The following MINDY2 variants were observed in gnomAD, a reference collection of about 807,000 sequenced individuals.
The protein encoded by MINDY2 is MINDY lysine 48 deubiquitinase 2.
In MINDY2, 52 loss-of-function variants were observed where a neutral mutation model predicts 68.2. The ratio of observed to expected loss-of-function variants is 0.76; its 90% CI spans 0.61 to 0.96. MINDY2 has a LOEUF of 0.96. MINDY2 is among the 40% of genes least tolerant of loss of function. The pLI, the probability that MINDY2 is intolerant of heterozygous loss-of-function variation, is 0.00. For synonymous variants in MINDY2, 372 were observed against 303.0 expected, an observed-to-expected ratio of 1.23 and a Z score of -2.36; for missense variants, 881 against 773.4, an observed-to-expected ratio of 1.14 and a Z score of -1.65.
At position 58,771,368 on chromosome 15, in the gene MINDY2, C is replaced by T; in HGVS notation, c.-28C>T. ...GGCTGCGGAGAAGTGGCCGCGGTCT[C>T]CATAGAGCTGGGGGCGGGCGGCCCG... On this transcript the variant is annotated 5_prime_UTR_variant, in exon 1 of 9. Coordinates refer to ENST00000559228, the MANE Select transcript of MINDY2 (RefSeq NM_001040450.3). 1.3e-6 allele frequency: 2 copies of T among 1,586,966 alleles called. No homozygotes were observed. The highest frequency in any genetic ancestry group is 1.7e-6 in the Non-Finnish European group (2 of 1,168,932).
Position 58,778,875 on chromosome 15 carries a change from C to T in MINDY2, c.840+6640C>T, listed in dbSNP as rs189832674. ...TCGCCCAGGCTGGAGTGCAGTGGCA[C>T]GATCTTGGCTCACTGCAACCTCTGC... On this transcript the variant is annotated intron_variant, in intron 1 of 8. Coordinates refer to ENST00000559228, the MANE Select transcript of MINDY2 (RefSeq NM_001040450.3). Among the ~76,000 whole-genome samples, 566 of 145,062 alleles carry T rather than the reference C, an allele frequency of 3.9e-3. 3 individuals are homozygous for T. The highest frequency in any genetic ancestry group is 6.2e-3 in the Non-Finnish European group (417 of 67,212).
rs1356760310 is a variant in MINDY2 at position 58,840,851 on chromosome 15, G to C, written c.1369-6446G>C. On this transcript the variant is annotated intron_variant, in intron 6 of 8. Coordinates refer to ENST00000559228, the MANE Select transcript of MINDY2 (RefSeq NM_001040450.3). ...TTTTTTTTTTTTTTTTGTATTTTTA[G>C]TAGAGATGGGTTTTCACCGTGTTAG... Among the ~76,000 whole-genome samples the C allele has an allele frequency of 2.2e-5, 3 of 137,882 alleles. No homozygotes were observed. In the South Asian group the frequency reaches 6.8e-4, roughly 31 times the overall value. 90.5% of individuals were successfully genotyped at this position (137,882 alleles called of 152,430 possible). A position where few individuals can be genotyped will look rare whatever the true frequency, so the allele number is the denominator to read the frequency against.
rs755936811 is a variant in MINDY2 at position 58,782,280 on chromosome 15, CAT to C, written c.841-5625_841-5624del. 2.8e-4 allele frequency among the ~76,000 whole-genome samples: 42 copies of C among 152,248 alleles called. 1 individual carries two copies. Among genetic ancestry groups the C allele is most frequent in the Admixed American group, 1.1e-3 (17 of 15,288 alleles). ...TATATAAATGCTACATATATACACA[CAT>C]GTGTATATACACTGCATATTTCAAA... On this transcript the variant is annotated intron_variant, in intron 1 of 8. Coordinates refer to ENST00000559228, the MANE Select transcript of MINDY2 (RefSeq NM_001040450.3).
rs117829424 is a variant in MINDY2, at chr15:58,772,577, A to G, written c.840+342A>G. Among the ~76,000 whole-genome samples the G allele has an allele frequency of 3.6e-3, 552 of 152,298 alleles. 2 individuals are homozygous for G. The highest frequency in any genetic ancestry group is 5.3e-3 in the Non-Finnish European group (363 of 68,022). ...TTCTTACTGACCTTATCACATATGCAAAAAAGTGAAGAATTGGAGAAAGTA... is the reference window on the plus strand; with the variant it reads ...TTCTTACTGACCTTATCACATATGCGAAAAAGTGAAGAATTGGAGAAAGTA... On this transcript the variant is annotated intron_variant, in intron 1 of 8. Coordinates refer to ENST00000559228, the MANE Select transcript of MINDY2 (RefSeq NM_001040450.3).
intron 8 of MINDY2, among the ~76,000 whole-genome samples, chr15:58,853,710 C>T (rs1164646520): frequency 6.6e-6 from 1 of 150,858 alleles, no homozygotes; most frequent in East Asian, 2.0e-4. Flanking sequence ...GTCCCAGCTA[C>T]TCGGGAGACT....
intron 1 of MINDY2, among the ~76,000 whole-genome samples, chr15:58,774,860 A>C (rs906547239): frequency 6.6e-6 from 1 of 152,228 alleles, no homozygotes; most frequent in East Asian, 1.9e-4. Context: ...CAGGACATAA[A>C]ATTGATGGGT....
Position 58,771,494 on chromosome 15 carries a change from C to G in MINDY2, c.99C>G (p.Thr33=), listed in dbSNP as rs1454924344. The part of the protein sequence containing the change: ...TGSSQEGLQE[T]RLAAGDGPGV... ...CTTCGCAGGAAGGGCTACAGGAGAC[C>G]AGGCTCGCCGCTGGTGATGGTCCTG... The change falls in exon 1 of 9, where the codon ACC becomes ACG. Residue 33 remains threonine (T), a synonymous_variant. Coordinates refer to ENST00000559228, the MANE Select transcript of MINDY2 (RefSeq NM_001040450.3). 1 of 1,612,252 alleles carries G rather than the reference C, an allele frequency of 6.2e-7. No individual in the cohort carries two copies. Among genetic ancestry groups the G allele is most frequent in the South Asian group, 1.1e-5 (1 of 91,080 alleles).
intron 6 of MINDY2, among the ~76,000 whole-genome samples, chr15:58,840,587 A>T (rs1277842904): frequency 6.6e-6 from 1 of 150,634 alleles, no homozygotes; most frequent in African/African-American, 2.4e-5. Flanking sequence ...AACTGGGCGG[A>T]TCCTCTTTGT....
At chr15:58,834,044 GTGATGACTCTTAACTAGCATGC>G (rs2031875498) in intron 6 of MINDY2, among the ~76,000 whole-genome samples, 1 of 152,062 alleles carries the variant, frequency 6.6e-6, no homozygotes, top group Non-Finnish European at 1.5e-5. Context: ...TTAGGGAGTG[GTGATGACTCTTAACTAGCATGC>G]TGCCTTCAAG....
At chr15:58,850,638 C>T (rs2032766141) in intron 7 of MINDY2, among the ~76,000 whole-genome samples, 1 of 152,172 alleles carries the variant, frequency 6.6e-6, no homozygotes, top group Non-Finnish European at 1.5e-5. Context: ...GGCTACAGTG[C>T]AATGGTGTGA....
intron 3 of MINDY2, among the ~76,000 whole-genome samples, chr15:58,808,020 C>T (rs911579827): frequency 6.6e-6 from 1 of 151,694 alleles, no homozygotes. Flanking sequence ...CTCCCCACTC[C>T]CCTCCCTCCC....
At chr15:58,844,942 AATG>A (rs1257037562) in intron 6 of MINDY2, among the ~76,000 whole-genome samples, 16 of 135,922 alleles carry the variant, frequency 1.2e-4, no homozygotes, top group African/African-American at 4.1e-4. Flanking sequence ...AAAAAAAAAA[AATG>A]AAAGGACAAC....
intron 2 of MINDY2, among the ~76,000 whole-genome samples, chr15:58,791,373 A>G (rs1303869645): frequency 1.3e-5 from 2 of 151,142 alleles, no homozygotes; most frequent in African/African-American, 4.9e-5. Context: ...GCGGTCCTCA[A>G]GCTCTTAAAA....
intron 5 of MINDY2, among the ~76,000 whole-genome samples, chr15:58,823,376 T>C (rs1310826397): frequency 6.6e-6 from 1 of 151,870 alleles, no homozygotes; most frequent in African/African-American, 2.4e-5. Context: ...AGTAAACATA[T>C]AAAGATACAG....
chr15:58,841,933 T>C (rs1279399385), intron 6 of MINDY2, among the ~76,000 whole-genome samples: 1 of 152,174 alleles, frequency 6.6e-6, no homozygotes, highest in Non-Finnish European at 1.5e-5. Context: ...ATCATGACTG[T>C]TGGATTCCTA....
chr15:58,806,662 G>T (rs1039570786), intron 3 of MINDY2, among the ~76,000 whole-genome samples: 1 of 152,116 alleles, frequency 6.6e-6, no homozygotes, highest in Non-Finnish European at 1.5e-5. Context: ...AAATCATATT[G>T]CCCCTAAAGG....
At chr15:58,804,077 C>T (rs1158853990) in intron 3 of MINDY2, among the ~76,000 whole-genome samples, 2 of 150,602 alleles carry the variant, frequency 1.3e-5, no homozygotes, top group Non-Finnish European at 3.0e-5. Context: ...TGGAGTGAGC[C>T]GAGATCGCGC....
intron 3 of MINDY2, among the ~76,000 whole-genome samples, chr15:58,809,374 G>A (rs139398988): frequency 6.6e-5 from 10 of 152,084 alleles, no homozygotes; most frequent in Non-Finnish European, 1.5e-4. Context: ...ATGTCCTCAA[G>A]GTTCATCTGG....
intron 6 of MINDY2, among the ~76,000 whole-genome samples, chr15:58,845,631 A>C (rs1309870461): frequency 2.0e-5 from 3 of 152,236 alleles, no homozygotes; most frequent in Admixed American, 6.5e-5. Flanking sequence ...TATGGAGAAC[A>C]GTTTAGAGGT....
Sources: allele counts gnomAD v4.1 joint callset (sites outside exome capture counted in the v4.1 genomes callset), GRCh38; gene constraint gnomAD v4.1.1; transcripts MANE v1.5; gene names NCBI Gene and HGNC (gene_info 2026-07-23, HGNC 2026-07-21).